The following RRP12 variants were observed in gnomAD, a reference collection of about 807,000 sequenced individuals.
RRP12 encodes the protein RRP12-like protein.
RRP12 carries 78 observed loss-of-function variants against 157.3 expected under a neutral mutation model. The ratio of observed to expected loss-of-function variants is 0.50; its 90% confidence interval spans 0.41 to 0.60. The LOEUF is 0.60. RRP12 is among the 20% of genes least tolerant of loss of function. The probability of loss-of-function intolerance (pLI) is 0.00; values close to 1 mark genes in which losing one functional copy is unlikely to be tolerated. For missense variants in RRP12, 1,521 were observed against 1,679.9 expected, an observed-to-expected ratio of 0.91 and a Z score of 1.65; for synonymous variants, 726 against 670.9, an observed-to-expected ratio of 1.08 and a Z score of -1.27.
intron 13 of RRP12, among the ~76,000 whole-genome samples, 176 bp from the exon 14 acceptor site, chr10:97,379,946 T>C (rs1395649216): frequency 6.6e-6 from 1 of 152,172 alleles, no homozygotes; most frequent in Non-Finnish European, 1.5e-5. Context: ...GGCCTAGGAT[T>C]TTACAAAATT....
Position 97,356,820 on chromosome 10 carries a change from A to T in RRP12, c.*274T>A. On this transcript the variant is annotated 3_prime_UTR_variant, in exon 34 of 34. Transcript: ENST00000370992. ...ATGGAGATCATCTGTTCTGGTGCTC[A>T]TGGCCACTCTGGGCAGAAAGCAAAG... 2.7e-6 allele frequency: 1 copy of T among 374,746 alleles called. No homozygotes were observed. The highest frequency in any genetic ancestry group is 4.8e-6 in the Non-Finnish European group (1 of 209,916). The allele number at this position is 374,746 out of a possible 1,614,324, so 23.2% of individuals were successfully genotyped here.
chr10:97,394,159 G>A (rs1212059682), intron 3 of RRP12, among the ~76,000 whole-genome samples: 3 of 152,026 alleles, frequency 2.0e-5, no homozygotes, highest in Admixed American at 6.6e-5. Flanking sequence ...TGGCTAACAC[G>A]GTGAAACACC....
chr10:97,376,212 C>CTTT (rs771016888), intron 15 of RRP12, among the ~76,000 whole-genome samples: 20,400 of 107,258 alleles, frequency 0.19, 2,863 homozygotes, highest in South Asian at 0.25. Flanking sequence ...CTTTTACTTT[C>CTTT]TTTTTTTTTT....
chr10:97,383,939 T>C (rs1451936406), intron 10 of RRP12, among the ~76,000 whole-genome samples: 3 of 152,186 alleles, frequency 2.0e-5, no homozygotes, highest in African/African-American at 7.2e-5. Context: ...AATCAGACCC[T>C]GTCAGAACGA....
Position 97,356,953 on chromosome 10 carries a change from T to G in RRP12, c.*141A>C. 1.7e-6 allele frequency: 1 copy of G among 579,120 alleles called. No individual in the cohort carries two copies. The highest frequency in any genetic ancestry group is 3.1e-6 in the Non-Finnish European group (1 of 326,962). 35.9% of individuals were successfully genotyped at this position (579,120 alleles called of 1,614,324 possible). On this transcript the variant is annotated 3_prime_UTR_variant, in exon 34 of 34. Coordinates refer to ENST00000370992, the MANE Select transcript of RRP12 (RefSeq NM_015179.4). ...TTTGGAGTTTCCAAAATCCAGGACT[T>G]CTGAGAGCCAAGCCCTAGTTCCAAG...
In RRP12 at chr10:97,379,376, A is replaced by G. The variant is rs1246787277; in HGVS notation, c.1715T>C (p.Val572Ala). ...CGTTTCCTGAACATGGTCTCGGATGACAGGCAGCAGCCAGCTCCGTGGGAA... is the reference window on the plus strand; with the variant it reads ...CGTTTCCTGAACATGGTCTCGGATGGCAGGCAGCAGCCAGCTCCGTGGGAA... Reference protein sequence around the residue: ...LDFPRSWLLPVIRDHVQETRL... With the variant: ...LDFPRSWLLPAIRDHVQETRL... Residue 572 changes from valine to alanine, a missense_variant, in exon 15 of 34, where the codon GTC becomes GCC. Val to Ala is a moderately conservative substitution (Grantham distance 64). Transcript: ENST00000370992. 2.6e-5 allele frequency: 42 copies of G among 1,614,020 alleles called. No homozygotes were observed. The highest frequency in any genetic ancestry group is 3.5e-5 in the Non-Finnish European group (41 of 1,180,004).
chr10:97,370,953 C>A lies in RRP12; in HGVS notation c.2472G>T (p.Ser824=), dbSNP rs1436106826. ...LEDLKKTLLD[S]LRSTSSPAKR... ...TGGCGGGTGAGGAGGTGCTCCGCAG[C>A]GAGTCCAGCAGTGTCTTCTTCAGGT... The change falls in exon 21 of 34, where the codon TCG becomes TCT. Residue 824 remains serine, a synonymous_variant. Transcript: ENST00000370992. 2.5e-6 allele frequency: 4 copies of A among 1,614,008 alleles called. No homozygotes were observed. The highest frequency in any genetic ancestry group is 1.7e-4 in the Middle Eastern group (1 of 6,052).
At position 97,385,095 on chromosome 10, in the gene RRP12, G is replaced by A. The variant is rs1430081725; in HGVS notation, c.1208+71C>T. 4 of 544,260 alleles carry A rather than the reference G, an allele frequency of 7.3e-6. No homozygotes were observed. The Admixed American group carries it at 1.2e-4, about 16-fold the overall frequency. The allele number at this position is 544,260 out of a possible 1,614,324, so 33.7% of individuals were successfully genotyped here. ...GAGGACCCCCCACCTCGGCAGCCTGGACACAGGCCCTGAGCACCCCCACCT... is the reference window on the plus strand; with the variant it reads ...GAGGACCCCCCACCTCGGCAGCCTGAACACAGGCCCTGAGCACCCCCACCT... On this transcript the variant is annotated intron_variant, in intron 10 of 33. Transcript: ENST00000370992.
intron 25 of RRP12, chr10:97,367,384 G>T: frequency 1.8e-6 from 1 of 563,326 alleles, no homozygotes; most frequent in Non-Finnish European, 3.2e-6. Context: ...CTTCTCAACA[G>T]CACTTGGTAC....
intron 2 of RRP12, 78 bp downstream of exon 2, chr10:97,400,227 C>T: frequency 2.9e-6 from 3 of 1,050,450 alleles, no homozygotes; most frequent in Non-Finnish European, 4.4e-6. Context: ...CATCGGAGAC[C>T]TGTCGGCCAG....
Position 97,358,759 on chromosome 10 carries a change from A to G in RRP12, c.3709-140T>C, listed in dbSNP as rs1422994713. 3.7e-6 allele frequency: 3 copies of G among 807,848 alleles called. No homozygotes were observed. The African/African-American group carries it at 5.1e-5, about 14-fold the overall frequency. The allele number at this position is 807,848 out of a possible 1,614,324, so 50.0% of individuals were successfully genotyped here. A position where few individuals can be genotyped will look rare whatever the true frequency, so the allele number is the denominator to read the frequency against. ...AGAGCTCCTGTATCCTTGGAAGGCC[A>G]TTCAATAAGGTCCCCCATTTCAGAT... On this transcript the variant is annotated intron_variant, in intron 32 of 33. Coordinates refer to ENST00000370992, the MANE Select transcript of RRP12 (RefSeq NM_015179.4).
intron 29 of RRP12, among the ~76,000 whole-genome samples, chr10:97,365,464 G>A (rs1359127566): frequency 6.6e-6 from 1 of 151,948 alleles, no homozygotes; most frequent in African/African-American, 2.4e-5. Flanking sequence ...CAGTAGAGAT[G>A]GGTTTTAACC....
Position 97,381,478 on chromosome 10 carries a change from G to A in RRP12, c.1326C>T (p.Ile442=), listed in dbSNP as rs759195569. Residue 442 remains isoleucine, a synonymous_variant, in exon 12 of 34, where the codon ATC becomes ATT. Coordinates refer to ENST00000370992, the MANE Select transcript of RRP12 (RefSeq NM_015179.4). ...TGTGGGGAGCCACGCATTCCTTCAG[G>A]ATCTCCTGCGAAGAGAGGCCACAGG... is the stretch of plus-strand genomic sequence containing the variant. ...LTAATQSLKE[I]LKECVAPHMA... 22 of 1,609,786 alleles carry A rather than the reference G, an allele frequency of 1.4e-5. No homozygotes were observed. Among genetic ancestry groups the A allele is most frequent in the Non-Finnish European group, 1.9e-5 (22 of 1,178,070 alleles).
chr10:97,372,754 G>A lies in RRP12; in HGVS notation c.2231C>T (p.Ala744Val). 6.4e-7 allele frequency: 1 copy of A among 1,562,014 alleles called. No individual in the cohort carries two copies. The highest frequency in any genetic ancestry group is 1.2e-5 in the South Asian group (1 of 84,794). Residue 744 changes from alanine to valine, a missense_variant, in exon 19 of 34, where the codon GCC becomes GTC. Physicochemically the swap from Ala to Val is moderately conservative, Grantham distance 64. Coordinates refer to ENST00000370992, the MANE Select transcript of RRP12 (RefSeq NM_015179.4). ...EKASEKVLDP[A>V]SSDFTRLSVL... is the part of the protein sequence containing the mutation. Reference sequence around the variant, plus strand: ...ATGTTACCTGGTAAAGTCAGAGCTGGCAGGGTCGAGCACCTTCTCACTGGC... The same window carrying A: ...ATGTTACCTGGTAAAGTCAGAGCTGACAGGGTCGAGCACCTTCTCACTGGC...
At chr10:97,359,130 G>T in intron 31 of RRP12, 120 bp from the exon 32 acceptor site, 1 of 679,994 alleles carries the variant, frequency 1.5e-6, no homozygotes, top group Non-Finnish European at 2.5e-6. Flanking sequence ...CCAGGAACTT[G>T]GCTCTGTCCC....
At chr10:97,367,218 T>C (rs1329254863) in intron 25 of RRP12, 86 bp from the exon 26 acceptor site, 8 of 1,176,044 alleles carry the variant, frequency 6.8e-6, no homozygotes, top group Admixed American at 3.7e-5. Context: ...GGACGCAGCA[T>C]GATCAAGCCC....
At chr10:97,362,329 T>G (rs1843866606) in intron 30 of RRP12, among the ~76,000 whole-genome samples, 1 of 152,088 alleles carries the variant, frequency 6.6e-6, no homozygotes, top group Admixed American at 6.6e-5. Flanking sequence ...CTGCCGAGGA[T>G]CTGCAAAGCC....
intron 3 of RRP12, among the ~76,000 whole-genome samples, chr10:97,395,929 C>T (rs564501416): frequency 4.9e-4 from 74 of 151,386 alleles, no homozygotes; most frequent in African/African-American, 1.7e-3. Context: ...GGGAGGCCAC[C>T]GCAAGATGAC....
At chr10:97,389,253 C>T (rs1844729888) in intron 6 of RRP12, among the ~76,000 whole-genome samples, 2 of 152,140 alleles carry the variant, frequency 1.3e-5, no homozygotes, top group East Asian at 1.9e-4. Flanking sequence ...GCCACCACAC[C>T]CGGCTAATTT....
Sources: allele counts gnomAD v4.1 joint callset (sites outside exome capture counted in the v4.1 genomes callset), GRCh38; gene constraint gnomAD v4.1.1; transcripts MANE v1.5; gene names NCBI Gene and HGNC (gene_info 2026-07-23, HGNC 2026-07-21).